DENND1A: variants seen among roughly 807,000 people sequenced by gnomAD.
The protein encoded by DENND1A is DENN domain containing 1A, also known as DENN domain-containing protein 1A.
In DENND1A, 51 loss-of-function variants were observed where a neutral mutation model predicts 113.7. The ratio of observed to expected loss-of-function variants is 0.45; its 90% CI spans 0.36 to 0.57. DENND1A has a LOEUF of 0.57. DENND1A is among the 20% of genes least tolerant of loss of function. The pLI, the probability that DENND1A is intolerant of heterozygous loss-of-function variation, is 0.00. For synonymous variants in DENND1A, 565 were observed against 570.8 expected (o/e 0.99, Z 0.14); for missense variants, 1,258 against 1,395.9 (o/e 0.90, Z 1.57).
chr9:123,585,584 A>G (rs896904752), intron 11 of DENND1A, among the ~76,000 whole-genome samples: 1 of 152,210 alleles, frequency 6.6e-6, no homozygotes, highest in Non-Finnish European at 1.5e-5. Context: ...TCACTCTGCA[A>G]CCCAACAGGT....
intron 9 of DENND1A, among the ~76,000 whole-genome samples, chr9:123,646,563 C>CT (rs917056814): frequency 6.6e-6 from 1 of 152,092 alleles, no homozygotes; most frequent in African/African-American, 2.4e-5. Context: ...GTCGCCTTTC[C>CT]TGTTGGCATT....
chr9:123,711,913 C>T (rs939908935), intron 5 of DENND1A, among the ~76,000 whole-genome samples: 1 of 152,186 alleles, frequency 6.6e-6, no homozygotes, highest in Non-Finnish European at 1.5e-5. Context: ...CCTTTCTTCA[C>T]CACTGGCTTA....
intron 13 of DENND1A, among the ~76,000 whole-genome samples, chr9:123,512,943 T>C (rs55992526): frequency 6.6e-6 from 1 of 152,254 alleles, no homozygotes; most frequent in Non-Finnish European, 1.5e-5. Flanking sequence ...GCCTCACAGA[T>C]GTGCAACTCA....
At chr9:123,787,792 T>C (rs528908964) in intron 3 of DENND1A, among the ~76,000 whole-genome samples, 1 of 152,312 alleles carries the variant, frequency 6.6e-6, no homozygotes, top group African/African-American at 2.4e-5. Context: ...GGGCACCTTT[T>C]AATTTTTCCC....
At chr9:123,627,525 A>C (rs2061282955) in intron 10 of DENND1A, among the ~76,000 whole-genome samples, 1 of 152,212 alleles carries the variant, frequency 6.6e-6, no homozygotes, top group African/African-American at 2.4e-5. Flanking sequence ...GTGGATCATG[A>C]GGTCAGGAGA....
chr9:123,620,358 G>A (rs2060897788), intron 10 of DENND1A, among the ~76,000 whole-genome samples: 1 of 152,018 alleles, frequency 6.6e-6, no homozygotes, highest in South Asian at 2.1e-4. Context: ...GTAGGGCTCA[G>A]TGACTGTTAT....
chr9:123,494,574 A>G (rs1479539596), intron 13 of DENND1A, among the ~76,000 whole-genome samples: 1 of 152,206 alleles, frequency 6.6e-6, no homozygotes, highest in Non-Finnish European at 1.5e-5. Flanking sequence ...AGTGCAGCTA[A>G]GAATACGATT....
intron 1 of DENND1A, among the ~76,000 whole-genome samples, chr9:123,918,991 A>C (rs911040591): frequency 6.6e-6 from 1 of 152,180 alleles, no homozygotes; most frequent in African/African-American, 2.4e-5. Context: ...ACAAACCTTA[A>C]GGATGCAACG....
chr9:123,876,065 T>C (rs1263582454), intron 2 of DENND1A, among the ~76,000 whole-genome samples: 3 of 152,262 alleles, frequency 2.0e-5, no homozygotes, highest in Non-Finnish European at 4.4e-5. Flanking sequence ...TATCATGGTC[T>C]GCTTACTGGA....
At chr9:123,919,581 A>C (rs1410688356) in intron 1 of DENND1A, among the ~76,000 whole-genome samples, 2 of 151,862 alleles carry the variant, frequency 1.3e-5, no homozygotes, top group Non-Finnish European at 2.9e-5. Context: ...GAAGTATTTA[A>C]GAATGATATG....
intron 8 of DENND1A, among the ~76,000 whole-genome samples, chr9:123,658,550 G>C (rs1466481635): frequency 1.3e-5 from 2 of 152,170 alleles, no homozygotes; most frequent in African/African-American, 4.8e-5. Flanking sequence ...AGAAATTGTA[G>C]AAATAATGAG....
intron 2 of DENND1A, among the ~76,000 whole-genome samples, chr9:123,844,100 A>ACC (rs781467749): frequency 0.29 from 43,992 of 151,802 alleles, 10,131 homozygotes; most frequent in African/African-American, 0.64. Flanking sequence ...TAAAAAAATG[A>ACC]TATAATTAAT....
intron 8 of DENND1A, among the ~76,000 whole-genome samples, chr9:123,664,952 A>G (rs978907196): frequency 6.6e-6 from 1 of 152,026 alleles, no homozygotes; most frequent in African/African-American, 2.4e-5. Context: ...TTCTTTTTGG[A>G]TTTCTCCACT....
intron 2 of DENND1A, among the ~76,000 whole-genome samples, chr9:123,829,918 T>A (rs1296159187): frequency 6.6e-6 from 1 of 152,192 alleles, no homozygotes; most frequent in Non-Finnish European, 1.5e-5. Flanking sequence ...AGGAAATTTA[T>A]CCCTCATTTA....
rs149304442 is a variant in DENND1A, at chr9:123,581,525, T to C, written c.867+1644A>G. Among the ~76,000 whole-genome samples the C allele has an allele frequency of 1.6e-4, 24 of 151,638 alleles. No individual in the cohort carries two copies. In the East Asian group the frequency reaches 4.5e-3, roughly 28 times the overall value. On this transcript the variant is annotated intron_variant, in intron 12 of 23. Coordinates refer to ENST00000394215, the MANE Select transcript of DENND1A (RefSeq NM_001352964.2). ...CTACGGTCCCAGCTACTTGGGAGGCTGAGGTAGGAGGATCAGTTGAGCCCA... is the reference window on the plus strand; with the variant it reads ...CTACGGTCCCAGCTACTTGGGAGGCCGAGGTAGGAGGATCAGTTGAGCCCA...
chr9:123,752,611 T>C (rs2131330037), intron 5 of DENND1A, among the ~76,000 whole-genome samples: 1 of 152,360 alleles, frequency 6.6e-6, no homozygotes, highest in Non-Finnish European at 1.5e-5. Context: ...TTTGAACTCC[T>C]GTGTTCCTTC....
At chr9:123,797,525 T>TA (rs1405264863) in intron 2 of DENND1A, among the ~76,000 whole-genome samples, 2 of 152,162 alleles carry the variant, frequency 1.3e-5, no homozygotes, top group South Asian at 2.1e-4. Flanking sequence ...TATGCAAAAT[T>TA]AAAGTTTCTT....
chr9:123,469,789 G>A (rs140673978), intron 13 of DENND1A, among the ~76,000 whole-genome samples: 1 of 152,328 alleles, frequency 6.6e-6, no homozygotes, highest in African/African-American at 2.4e-5. Context: ...AGCATCGCGT[G>A]AGGTAGGTAG....
At chr9:123,926,670 A>G (rs1857158755) in intron 1 of DENND1A, among the ~76,000 whole-genome samples, 1 of 145,394 alleles carries the variant, frequency 6.9e-6, no homozygotes, top group African/African-American at 2.6e-5. Flanking sequence ...TTTCTTCCTC[A>G]AGGGTTTTTT....
Sources: allele counts gnomAD v4.1 joint callset (sites outside exome capture counted in the v4.1 genomes callset), GRCh38; gene constraint gnomAD v4.1.1; transcripts MANE v1.5; gene names NCBI Gene and HGNC (gene_info 2026-07-23, HGNC 2026-07-21).